Variants in WDR47 observed in about 807,000 individuals in gnomAD.
WDR47 encodes WD repeat domain 47, also known as WD repeat-containing protein 47.
Under a neutral mutation model 97.2 loss-of-function variants are expected in WDR47, and 32 were observed. That is an observed-to-expected ratio of 0.33 (90% CI 0.25 to 0.44). The LOEUF (loss-of-function observed/expected upper bound fraction) is 0.44, where lower values mean the gene tolerates loss of function less well. Ranked by LOEUF, WDR47 falls within the 20% of genes least tolerant of loss-of-function variation. WDR47 has a pLI of 1.00. For synonymous variants in WDR47, 375 were observed against 373.5 expected, an observed-to-expected ratio of 1.00 and a Z score of -0.05; for missense variants, 782 against 1,102.3, an observed-to-expected ratio of 0.71 and a Z score of 4.11.
At chr1:108,988,746 T>C (rs1659057882) in intron 9 of WDR47, among the ~76,000 whole-genome samples, 1 of 152,150 alleles carries the variant, frequency 6.6e-6, no homozygotes, top group Non-Finnish European at 1.5e-5. Flanking sequence ...ATGGAAACAT[T>C]TGAATGTTTC....
chr1:108,975,418 C>T (rs1001844668), intron 13 of WDR47, among the ~76,000 whole-genome samples: 1 of 151,752 alleles, frequency 6.6e-6, no homozygotes, highest in African/African-American at 2.4e-5. Flanking sequence ...GTCAGGAGAT[C>T]GAGACCAGCC....
chr1:108,979,174 T>G (rs1446136026), intron 13 of WDR47, among the ~76,000 whole-genome samples: 1 of 152,062 alleles, frequency 6.6e-6, no homozygotes, highest in African/African-American at 2.4e-5. Flanking sequence ...CTGAAAATAA[T>G]GTAGAAAGCT....
At chr1:109,033,863 G>C (rs1169672219) in intron 1 of WDR47, among the ~76,000 whole-genome samples, 4 of 152,216 alleles carry the variant, frequency 2.6e-5, no homozygotes, top group African/African-American at 9.6e-5. Context: ...AGGTTGCAGT[G>C]AGCCGAGATC....
rs769264338 is a variant in WDR47 at position 108,986,524 on chromosome 1, T to C, written c.1924A>G (p.Ser642Gly). 1 of 1,605,196 alleles carries C rather than the reference T, an allele frequency of 6.2e-7. No homozygotes were observed. Among genetic ancestry groups the C allele is most frequent in the Non-Finnish European group, 8.5e-7 (1 of 1,175,614 alleles). ...GCAGCACAAATCATTGATCCTTACCTTGGATCAATTACATCTGGATAGGCA... is the reference window on the plus strand; with the variant it reads ...GCAGCACAAATCATTGATCCTTACCCTGGATCAATTACATCTGGATAGGCA... ...VCAYPDVIDPSAHETPKQPVV... is the reference protein window; with the variant it reads ...VCAYPDVIDPGAHETPKQPVV... The change falls in exon 10 of 15, where the codon AGT (serine) becomes GGT (glycine). Residue 642 changes from serine (S) to glycine (G), a missense_variant and splice_region_variant. Coordinates refer to ENST00000369962, the MANE Select transcript of WDR47 (RefSeq NM_001142551.2).
chr1:109,020,338 G>GC (rs1282816847), intron 2 of WDR47, among the ~76,000 whole-genome samples: 2 of 151,270 alleles, frequency 1.3e-5, no homozygotes, highest in African/African-American at 2.4e-5. Context: ...TCGGCTCACT[G>GC]CAAGCTCTGC....
chr1:109,039,971 G>A (rs981881382), intron 1 of WDR47, among the ~76,000 whole-genome samples: 13 of 150,994 alleles, frequency 8.6e-5, no homozygotes, highest in African/African-American at 2.4e-4. Flanking sequence ...AGGAGGCAGA[G>A]GCTGCAGTGA....
intron 9 of WDR47, chr1:108,987,113 C>A: frequency 5.2e-6 from 1 of 192,878 alleles, no homozygotes. Flanking sequence ...TCATTACAGC[C>A]CCATAGATCC....
intron 1 of WDR47, among the ~76,000 whole-genome samples, chr1:109,034,715 C>T (rs1049159599): frequency 1.3e-5 from 2 of 152,170 alleles, no homozygotes; most frequent in African/African-American, 2.4e-5. Flanking sequence ...GTTTCCACCT[C>T]ACCCCTGGTC....
chr1:108,982,525 C>T, intron 12 of WDR47, 84 bp downstream of exon 12: 1 of 1,487,208 alleles, frequency 6.7e-7, no homozygotes. Flanking sequence ...AAGACCCTGT[C>T]TCTTAGAAAA....
chr1:109,010,862 A>G (rs1660990168), intron 5 of WDR47, 54 bp downstream of exon 5: 1 of 1,537,912 alleles, frequency 6.5e-7, no homozygotes, highest in African/African-American at 1.4e-5. Context: ...GATTACAGGC[A>G]TAAGCCACTG....
At chr1:108,993,885 G>A (rs1446309167) in intron 8 of WDR47, among the ~76,000 whole-genome samples, 1 of 152,010 alleles carries the variant, frequency 6.6e-6, no homozygotes, top group Non-Finnish European at 1.5e-5. Context: ...ACTGTCTCCA[G>A]GAAAAACAAG....
chr1:109,002,416 GA>G lies in WDR47; in HGVS notation c.1255-15del, dbSNP rs777637326. 1.3e-4 allele frequency: 208 copies of G among 1,549,148 alleles called. 2 individuals are homozygous for G. Among genetic ancestry groups the G allele is most frequent in the Middle Eastern group, 1.3e-3 (6 of 4,782 alleles). On this transcript the variant is annotated splice_polypyrimidine_tract_variant and intron_variant, in intron 6 of 14. Transcript: ENST00000369962. ...TGAATCTCGAAGCTTAAAAACATTA[GA>G]AAAAAACATATATATTTGAGCAAAC...
chr1:108,984,254 C>T (rs754992825), intron 10 of WDR47, among the ~76,000 whole-genome samples: 1 of 151,960 alleles, frequency 6.6e-6, no homozygotes, highest in Non-Finnish European at 1.5e-5. Flanking sequence ...AGTGGGGTAA[C>T]AGCATTTTAT....
chr1:109,006,318 G>A (rs1007385531), intron 5 of WDR47, among the ~76,000 whole-genome samples: 6 of 152,062 alleles, frequency 3.9e-5, no homozygotes, highest in African/African-American at 9.7e-5. Flanking sequence ...ACTTGAACCC[G>A]GGAGGCGGAG....
In WDR47 at chr1:109,015,152, A is replaced by G. The variant is rs140511584; in HGVS notation, c.243-1227T>C. 2.4e-3 allele frequency among the ~76,000 whole-genome samples: 368 copies of G among 152,330 alleles called. 3 individuals are homozygous for G. The highest frequency in any genetic ancestry group is 8.3e-3 in the African/African-American group (347 of 41,584). On this transcript the variant is annotated intron_variant, in intron 3 of 14. Transcript: ENST00000369962. ...AATATTCCAGGTAAGTAAAGAATGT[A>G]CAAACGCAAAGAAATATCAAGCAGC...
chr1:109,034,567 A>G (rs193253582), intron 1 of WDR47, among the ~76,000 whole-genome samples: 107 of 152,298 alleles, frequency 7.0e-4, no homozygotes, highest in Non-Finnish European at 1.2e-3. Flanking sequence ...CAGACAAGGG[A>G]GCATTACTGT....
At chr1:108,977,389 G>A (rs1657992445) in intron 13 of WDR47, among the ~76,000 whole-genome samples, 2 of 151,982 alleles carry the variant, frequency 1.3e-5, no homozygotes, top group Admixed American at 6.6e-5. Flanking sequence ...CCTGACCTCA[G>A]GAAATCCACC....
intron 1 of WDR47, among the ~76,000 whole-genome samples, chr1:109,033,452 G>C (rs938652162): frequency 6.6e-6 from 1 of 152,144 alleles, no homozygotes; most frequent in African/African-American, 2.4e-5. Context: ...TTTGTGAAAA[G>C]ATGCTCAACC....
intron 13 of WDR47, among the ~76,000 whole-genome samples, chr1:108,976,497 T>C (rs1156818448): frequency 6.6e-6 from 1 of 152,188 alleles, no homozygotes; most frequent in Non-Finnish European, 1.5e-5. Context: ...AAAAAAGTTA[T>C]TAAATCATTA....
Sources: allele counts gnomAD v4.1 joint callset (sites outside exome capture counted in the v4.1 genomes callset), GRCh38; gene constraint gnomAD v4.1.1; transcripts MANE v1.5; gene names NCBI Gene and HGNC (gene_info 2026-07-23, HGNC 2026-07-21).